The following SCEL variants were observed in gnomAD, a reference collection of about 807,000 sequenced individuals.
SCEL encodes sciellin.
SCEL carries 113 observed loss-of-function variants against 117.6 expected under a neutral mutation model. The ratio of observed to expected loss-of-function variants is 0.96; its 90% CI spans 0.83 to 1.12. The LOEUF (loss-of-function observed/expected upper bound fraction) is 1.12, where lower values mean the gene tolerates loss of function less well. Among genes scored for constraint, SCEL ranks in the 50% most tolerant of loss-of-function variants. The pLI is 0.00. For missense variants in SCEL, 785 were observed against 810.8 expected, an observed-to-expected ratio of 0.97 and a Z score of 0.39; for synonymous variants, 270 against 256.2, an observed-to-expected ratio of 1.05 and a Z score of -0.51.
chr13:77,637,937 T>C (rs1051232158), intron 30 of SCEL, among the ~76,000 whole-genome samples: 5 of 152,208 alleles, frequency 3.3e-5, no homozygotes, highest in African/African-American at 9.6e-5. Flanking sequence ...GTGACACTTA[T>C]GAGAGTATGG....
At chr13:77,637,253 T>G (rs11838581) in intron 30 of SCEL, 59 bp downstream of exon 30, 31 of 75,176 alleles carry the variant, frequency 4.1e-4, no homozygotes, top group African/African-American at 2.0e-3. Context: ...CACACACACA[T>G]ATATATATAT....
intron 27 of SCEL, among the ~76,000 whole-genome samples, chr13:77,619,855 T>C (rs1362868152): frequency 6.6e-6 from 1 of 152,170 alleles, no homozygotes; most frequent in Non-Finnish European, 1.5e-5. Context: ...TCACTTTCTC[T>C]CCCACATCCC....
intron 9 of SCEL, among the ~76,000 whole-genome samples, chr13:77,583,323 A>G (rs1753804139): frequency 6.6e-6 from 1 of 152,198 alleles, no homozygotes; most frequent in African/African-American, 2.4e-5. Context: ...TAGAATCTAG[A>G]TCTCTAGAAT....
At chr13:77,608,220 G>A in intron 20 of SCEL, 105 bp downstream of exon 20, 3 of 789,670 alleles carry the variant, frequency 3.8e-6, no homozygotes, top group Non-Finnish European at 6.1e-6. Flanking sequence ...CAGAAAGGCT[G>A]AACCCCATTA....
At chr13:77,559,996 A>C in intron 4 of SCEL, 133 bp downstream of exon 4, 1 of 759,528 alleles carries the variant, frequency 1.3e-6, no homozygotes, top group Non-Finnish European at 2.3e-6. Flanking sequence ...TGTGAAGGAG[A>C]ATCTGTGATA....
chr13:77,642,545 A>G (rs925484030), intron 31 of SCEL, among the ~76,000 whole-genome samples, 161 bp from the exon 32 acceptor site: 1 of 152,126 alleles, frequency 6.6e-6, no homozygotes, highest in African/African-American at 2.4e-5. Context: ...GGCATAAACA[A>G]TTTCTGGACA....
At chr13:77,631,191 A>G (rs1461034834) in intron 28 of SCEL, among the ~76,000 whole-genome samples, 1 of 152,228 alleles carries the variant, frequency 6.6e-6, no homozygotes. Context: ...GGGGCCCAGT[A>G]GCATTTTAAA....
At chr13:77,608,416 A>G (rs1203918059) in intron 20 of SCEL, among the ~76,000 whole-genome samples, 1 of 152,196 alleles carries the variant, frequency 6.6e-6, no homozygotes, top group Admixed American at 6.5e-5. Flanking sequence ...CCTGTCCAAC[A>G]TAGTGAAACC....
intron 20 of SCEL, 87 bp downstream of exon 20, chr13:77,608,202 A>T (rs2088367580): frequency 9.6e-7 from 1 of 1,043,806 alleles, no homozygotes; most frequent in South Asian, 1.6e-5. Flanking sequence ...AAACCTTTGG[A>T]TTGGGATCAG....
intron 1 of SCEL, among the ~76,000 whole-genome samples, chr13:77,546,054 A>G (rs2083970057): frequency 6.6e-6 from 1 of 152,224 alleles, no homozygotes; most frequent in South Asian, 2.1e-4. Context: ...TTATCAAGCT[A>G]TCCAGTATGA....
chr13:77,554,774 C>A (rs2154395593), intron 1 of SCEL, among the ~76,000 whole-genome samples: 1 of 152,222 alleles, frequency 6.6e-6, no homozygotes, highest in East Asian at 1.9e-4. Flanking sequence ...TAAAGATGGA[C>A]CTAAAACTTG....
At chr13:77,563,588 C>A (rs2085108523) in intron 4 of SCEL, among the ~76,000 whole-genome samples, 1 of 152,118 alleles carries the variant, frequency 6.6e-6, no homozygotes, top group African/African-American at 2.4e-5. Flanking sequence ...GAATATGTTA[C>A]ATTGTTGTCA....
At chr13:77,545,553 A>G (rs1423273875) in intron 1 of SCEL, among the ~76,000 whole-genome samples, 1 of 152,258 alleles carries the variant, frequency 6.6e-6, no homozygotes, top group Non-Finnish European at 1.5e-5. Context: ...GTACTGTTTT[A>G]TATCCTGGGG....
chr13:77,637,357 C>CATATACAT, intron 30 of SCEL, among the ~76,000 whole-genome samples, 163 bp downstream of exon 30: 1 of 41,930 alleles, frequency 2.4e-5, no homozygotes, highest in South Asian at 6.3e-4. Flanking sequence ...CATATATAAA[C>CATATACAT]ATATATACAT....
chr13:77,629,726 G>A (rs1365948145), intron 28 of SCEL, among the ~76,000 whole-genome samples: 1 of 152,148 alleles, frequency 6.6e-6, no homozygotes, highest in Non-Finnish European at 1.5e-5. Flanking sequence ...AAGACCCAAA[G>A]ATACAGGGGA....
At chr13:77,599,219 C>A in intron 13 of SCEL, 110 bp from the exon 14 acceptor site, 1 of 721,158 alleles carries the variant, frequency 1.4e-6, no homozygotes, top group Non-Finnish European at 2.3e-6. Context: ...GCTCATCTTC[C>A]CCAACAAGCT....
At chr13:77,563,306 C>T (rs1239482026) in intron 4 of SCEL, among the ~76,000 whole-genome samples, 1 of 151,896 alleles carries the variant, frequency 6.6e-6, no homozygotes, top group Non-Finnish European at 1.5e-5. Flanking sequence ...TCCTTTCTTT[C>T]CTGTCTTTCC....
chr13:77,593,553 A>C lies in SCEL; in HGVS notation c.732A>C (p.Ser244=). The part of the protein sequence containing the change: ...DLDNIVKVAT[S]LQRSDKGEEL... ...ATAACATCGTCAAAGTGGCCACTTC[A>C]CTTCAGAGAAGTGACAAAGGGTGAG... is the stretch of plus-strand genomic sequence containing the variant. Residue 244 remains serine (S), a synonymous_variant, in exon 12 of 33, where the codon TCA becomes TCC. Coordinates refer to ENST00000349847, the MANE Select transcript of SCEL (RefSeq NM_144777.3). 6.2e-7 allele frequency: 1 copy of C among 1,612,978 alleles called. No homozygotes were observed. Among genetic ancestry groups the C allele is most frequent in the East Asian group, 2.2e-5 (1 of 44,850 alleles).
intron 5 of SCEL, among the ~76,000 whole-genome samples, chr13:77,566,090 C>T (rs1352714163): frequency 1.3e-5 from 2 of 152,102 alleles, no homozygotes; most frequent in African/African-American, 4.8e-5. Flanking sequence ...TCTCCATTAC[C>T]ATTGATAGAC....
Sources: allele counts gnomAD v4.1 joint callset (sites outside exome capture counted in the v4.1 genomes callset), GRCh38; gene constraint gnomAD v4.1.1; transcripts MANE v1.5; gene names NCBI Gene and HGNC (gene_info 2026-07-23, HGNC 2026-07-21).